The following OXR1 variants were observed in gnomAD, a reference collection of about 807,000 sequenced individuals.
OXR1 encodes oxidation resistance protein 1.
In OXR1, 41 loss-of-function variants were observed where a neutral mutation model predicts 104.6. The observed-to-expected ratio is 0.39, with a 90% CI of 0.31 to 0.51. OXR1 has a LOEUF of 0.51. Among genes scored for constraint, OXR1 ranks in the 20% least tolerant of loss-of-function variants. The pLI is 0.77. For synonymous variants in OXR1, 348 were observed against 348.4 expected, an observed-to-expected ratio of 1.00 and a Z score of 0.01; for missense variants, 955 against 1,031.9, an observed-to-expected ratio of 0.93 and a Z score of 1.02.
At chr8:106,365,503 A>G (rs1045610696) in intron 2 of OXR1, among the ~76,000 whole-genome samples, 2 of 152,126 alleles carry the variant, frequency 1.3e-5, no homozygotes, top group South Asian at 4.1e-4. Context: ...CCCAAATTAC[A>G]TAAAACTTTA....
chr8:106,579,321 C>T (rs1818076852), intron 3 of OXR1, among the ~76,000 whole-genome samples: 1 of 152,160 alleles, frequency 6.6e-6, no homozygotes, highest in South Asian at 2.1e-4. Context: ...TGATTTGCCT[C>T]AAACTTCTGG....
intron 2 of OXR1, among the ~76,000 whole-genome samples, chr8:106,378,401 T>G (rs1816993925): frequency 6.6e-6 from 1 of 152,240 alleles, no homozygotes; most frequent in Admixed American, 6.5e-5. Context: ...CCCGAGTGAC[T>G]GTCATCTCGT....
chr8:106,363,535 A>G (rs1430643189), intron 2 of OXR1, among the ~76,000 whole-genome samples: 1 of 152,070 alleles, frequency 6.6e-6, no homozygotes, highest in African/African-American at 2.4e-5. Context: ...ACATTTATGT[A>G]TATTATTTTC....
At chr8:106,565,061 A>T (rs141476165) in intron 3 of OXR1, among the ~76,000 whole-genome samples, 171 of 152,346 alleles carry the variant, frequency 1.1e-3, no homozygotes, top group African/African-American at 3.8e-3. Context: ...TTCCCTTTGA[A>T]AACTAGCACA....
intron 1 of OXR1, among the ~76,000 whole-genome samples, chr8:106,323,180 A>C (rs1448540090): frequency 6.6e-6 from 1 of 152,232 alleles, no homozygotes; most frequent in Non-Finnish European, 1.5e-5. Context: ...GTAGTGGTAC[A>C]AAAATTGGCA....
At chr8:106,494,825 G>A (rs1393270180) in intron 2 of OXR1, among the ~76,000 whole-genome samples, 3 of 152,158 alleles carry the variant, frequency 2.0e-5, no homozygotes, top group Admixed American at 6.6e-5. Flanking sequence ...TTTGAGACAC[G>A]CTGTGGTGTC....
intron 3 of OXR1, among the ~76,000 whole-genome samples, chr8:106,569,415 G>T (rs548910384): frequency 1.3e-5 from 2 of 152,144 alleles, no homozygotes; most frequent in African/African-American, 4.8e-5. Flanking sequence ...GCATTTTTCT[G>T]CAATTGCACG....
At chr8:106,345,573 T>A (rs966579077) in intron 1 of OXR1, among the ~76,000 whole-genome samples, 7 of 152,136 alleles carry the variant, frequency 4.6e-5, no homozygotes, top group African/African-American at 1.4e-4. Context: ...CCATATAGAA[T>A]CATGCCAGTG....
At chr8:106,661,544 T>C (rs536200534) in intron 3 of OXR1, among the ~76,000 whole-genome samples, 5 of 152,350 alleles carry the variant, frequency 3.3e-5, no homozygotes, top group Non-Finnish European at 5.9e-5. Flanking sequence ...TAACTATAAC[T>C]CATAATGTAT....
At chr8:106,604,981 G>C (rs1009552538) in intron 3 of OXR1, 1 of 152,126 alleles carries the variant, frequency 6.6e-6, no homozygotes, top group Admixed American at 6.5e-5. Flanking sequence ...TTCATCCTGG[G>C]TAAAAGCCAC....
At chr8:106,283,368 C>T (rs1254576823) in intron 1 of OXR1, among the ~76,000 whole-genome samples, 1 of 152,168 alleles carries the variant, frequency 6.6e-6, no homozygotes, top group East Asian at 1.9e-4. Context: ...TGGAGAGAGG[C>T]AGCTCTGAAT....
intron 2 of OXR1, among the ~76,000 whole-genome samples, chr8:106,483,030 C>T (rs1040010219): frequency 6.6e-6 from 1 of 151,986 alleles, no homozygotes; most frequent in Non-Finnish European, 1.5e-5. Flanking sequence ...ACTTGGTCAT[C>T]TGACTCCATA....
intron 2 of OXR1, among the ~76,000 whole-genome samples, chr8:106,446,272 G>GTGTGGAAATACC (rs1277574475): frequency 6.6e-6 from 1 of 152,102 alleles, no homozygotes; most frequent in African/African-American, 2.4e-5. Flanking sequence ...ATACCCTGGG[G>GTGTGGAAATACC]CTATCCTGTT....
rs76977814 is a variant in OXR1, at chr8:106,454,900, C to T, written c.24-64043C>T. On this transcript the variant is annotated intron_variant, in intron 2 of 16. Transcript: ENST00000517566. ...TTCCCCAGATGGACGGGGTCTCTTC[C>T]GCCTTGCCACCCTCTGAGCATTTTG... 2.6e-3 allele frequency among the ~76,000 whole-genome samples: 391 copies of T among 152,248 alleles called. 4 individuals carry two copies. Among genetic ancestry groups the T allele is most frequent in the African/African-American group, 8.7e-3 (362 of 41,540 alleles).
chr8:106,633,442 T>G (rs1165740533), intron 3 of OXR1, among the ~76,000 whole-genome samples: 1 of 152,178 alleles, frequency 6.6e-6, no homozygotes, highest in Non-Finnish European at 1.5e-5. Context: ...TCTTTGTCAA[T>G]TTTACCATCG....
chr8:106,597,366 C>T (rs919432915), intron 3 of OXR1, among the ~76,000 whole-genome samples: 1 of 152,126 alleles, frequency 6.6e-6, no homozygotes, highest in Non-Finnish European at 1.5e-5. Flanking sequence ...CCAGAACCTG[C>T]AGGCACCTTG....
chr8:106,501,396 A>G (rs1285978323), intron 2 of OXR1, among the ~76,000 whole-genome samples: 1 of 152,240 alleles, frequency 6.6e-6, no homozygotes, highest in Non-Finnish European at 1.5e-5. Context: ...GCCAGGTTAT[A>G]TGGGATCTTG....
chr8:106,286,821 C>G (rs558245205), intron 1 of OXR1, among the ~76,000 whole-genome samples: 1 of 152,166 alleles, frequency 6.6e-6, no homozygotes, highest in African/African-American at 2.4e-5. Flanking sequence ...GATATTACAA[C>G]TCCCGTAATG....
At chr8:106,577,324 C>A (rs1329173415) in intron 3 of OXR1, among the ~76,000 whole-genome samples, 2 of 149,612 alleles carry the variant, frequency 1.3e-5, no homozygotes, top group Admixed American at 1.3e-4. Flanking sequence ...GATTCTCCTG[C>A]CTCAGCCTCC....
Sources: allele counts gnomAD v4.1 joint callset (sites outside exome capture counted in the v4.1 genomes callset), GRCh38; gene constraint gnomAD v4.1.1; transcripts MANE v1.5; gene names NCBI Gene and HGNC (gene_info 2026-07-23, HGNC 2026-07-21).